The following UBE2L6 variants were observed in gnomAD, a reference collection of about 807,000 sequenced individuals.
The protein encoded by UBE2L6 is ubiquitin/ISG15-conjugating enzyme E2 L6.
UBE2L6 carries 11 observed loss-of-function variants against 13.6 expected under a neutral mutation model. That is an observed-to-expected ratio of 0.81 (90% confidence interval 0.51 to 1.34). UBE2L6 has a LOEUF of 1.34. Ranked by LOEUF, UBE2L6 falls within the 40% of genes most tolerant of loss-of-function variation. UBE2L6 has a pLI of 0.00. For missense variants in UBE2L6, 197 were observed against 199.5 expected (o/e 0.99, Z 0.07); for synonymous variants, 74 against 83.2 (o/e 0.89, Z 0.60).
At chr11:57,560,589 G>T in intron 1 of UBE2L6, 157 bp from the exon 2 acceptor site, 2 of 593,196 alleles carry the variant, frequency 3.4e-6, no homozygotes, top group Non-Finnish European at 6.0e-6. Flanking sequence ...CACTTAGTAT[G>T]TATCAGGCAT....
At chr11:57,567,901 C>A, upstream of UBE2L6, 1 of 372,466 alleles carries the variant, frequency 2.7e-6, no homozygotes, top group Non-Finnish European at 4.8e-6. Context: ...TTTGCTGATC[C>A]CTGCCTCCCG....
At chr11:57,563,171 A>C (rs1292699868) in intron 1 of UBE2L6, among the ~76,000 whole-genome samples, 1 of 152,100 alleles carries the variant, frequency 6.6e-6, no homozygotes, top group Non-Finnish European at 1.5e-5. Flanking sequence ...ATTAAAAAGA[A>C]TCAAGGAGAA....
At chr11:57,558,690 C>A (rs1230248934) in intron 2 of UBE2L6, among the ~76,000 whole-genome samples, 3 of 152,200 alleles carry the variant, frequency 2.0e-5, no homozygotes, top group Non-Finnish European at 4.4e-5. Context: ...CCTTCCATGA[C>A]CAAGATGTGA....
At chr11:57,564,043 A>G (rs1167957144) in intron 1 of UBE2L6, among the ~76,000 whole-genome samples, 7 of 152,244 alleles carry the variant, frequency 4.6e-5, no homozygotes, top group African/African-American at 1.4e-4. Context: ...ATTCAAACGG[A>G]TAGTAGCAGA....
intron 2 of UBE2L6, among the ~76,000 whole-genome samples, chr11:57,557,133 G>C (rs893528584): frequency 6.6e-6 from 1 of 152,000 alleles, no homozygotes; most frequent in East Asian, 1.9e-4. Context: ...GGGCCTACCA[G>C]GAGGCGTATG....
Position 57,551,968 on chromosome 11 carries a change from C to T in UBE2L6, c.*390G>A, listed in dbSNP as rs567338210. The T allele has an allele frequency of 5.0e-6, 1 of 198,910 alleles. No individual in the cohort carries two copies. Among genetic ancestry groups the T allele is most frequent in the South Asian group, 1.0e-4 (1 of 9,812 alleles). 12.3% of individuals were successfully genotyped at this position (198,910 alleles called of 1,614,324 possible). ...CTCCCACCCATATGCTCCACTGTCCCCAGGCCCTCAGTGCCTGAGCCCTAG... is the reference window on the plus strand; with the variant it reads ...CTCCCACCCATATGCTCCACTGTCCTCAGGCCCTCAGTGCCTGAGCCCTAG... On this transcript the variant is annotated 3_prime_UTR_variant, in exon 4 of 4. Transcript: ENST00000287156.
At chr11:57,555,697 C>A (rs900558510) in intron 2 of UBE2L6, among the ~76,000 whole-genome samples, 2 of 152,122 alleles carry the variant, frequency 1.3e-5, no homozygotes, top group South Asian at 4.2e-4. Flanking sequence ...CCACCTCAGC[C>A]TCCTGAGTAG....
intron 1 of UBE2L6, among the ~76,000 whole-genome samples, chr11:57,564,131 A>C (rs535437634): frequency 4.5e-4 from 69 of 152,350 alleles, no homozygotes; most frequent in Non-Finnish European, 7.9e-4. Context: ...CTTAACCCAA[A>C]GAAGACTACC....
intron 2 of UBE2L6, 121 bp from the exon 3 acceptor site, chr11:57,554,744 A>G (rs1427039283): frequency 2.9e-6 from 3 of 1,018,554 alleles, no homozygotes; most frequent in Non-Finnish European, 4.4e-6. Flanking sequence ...GGACACACAC[A>G]GCACCTGCAT....
intron 2 of UBE2L6, 48 bp downstream of exon 2, chr11:57,560,289 G>T: frequency 6.7e-7 from 1 of 1,493,880 alleles, no homozygotes; most frequent in Non-Finnish European, 9.3e-7. Flanking sequence ...CCATGTCCCT[G>T]GCCTAATTTG....
Position 57,560,606 on chromosome 11 carries a change from G to A in UBE2L6, c.28-174C>T, listed in dbSNP as rs1472595923. The A allele has an allele frequency of 9.0e-6, 5 of 552,514 alleles. No homozygotes were observed. The East Asian group carries it at 1.5e-4, about 17-fold the overall frequency. 34.2% of individuals were successfully genotyped at this position (552,514 alleles called of 1,614,324 possible). ...CTTAGTATGTATCAGGCATGGTGCT[G>A]GTGCTTTTTCTTTTTTCTTTTTTTT... On this transcript the variant is annotated intron_variant, in intron 1 of 3. Coordinates refer to ENST00000287156, the MANE Select transcript of UBE2L6 (RefSeq NM_004223.5).
Position 57,560,351 on chromosome 11 carries a change from C to G in UBE2L6, c.109G>C (p.Ala37Pro). 1.2e-6 allele frequency: 2 copies of G among 1,613,846 alleles called. No individual in the cohort carries two copies. Among genetic ancestry groups the G allele is most frequent in the African/African-American group, 1.3e-5 (1 of 75,004 alleles). Reference sequence around the variant, plus strand: ...TGGATACTCACGGGTAGGAGGAGAGCGTGCCACACCAGGACATTGGCATCA... The same window carrying G: ...TGGATACTCACGGGTAGGAGGAGAGGGTGCCACACCAGGACATTGGCATCA... ...SDDANVLVWH[A>P]LLLPDQPPYH... is the part of the protein sequence containing the mutation. The change falls in exon 2 of 4, where the codon GCT becomes CCT. Residue 37 changes from alanine (A) to proline (P), a missense_variant. Coordinates refer to ENST00000287156, the MANE Select transcript of UBE2L6 (RefSeq NM_004223.5).
intron 2 of UBE2L6, among the ~76,000 whole-genome samples, chr11:57,557,904 C>G (rs540798543): frequency 6.3e-4 from 96 of 152,304 alleles, no homozygotes; most frequent in Non-Finnish European, 1.0e-3. Flanking sequence ...CTCCGGGGAC[C>G]TGTCCCAGCT....
chr11:57,567,665 C>G lies in UBE2L6; in HGVS notation c.-54G>C, dbSNP rs1008711368. The G allele has an allele frequency of 1.3e-6, 2 of 1,560,210 alleles. No homozygotes were observed. The highest frequency in any genetic ancestry group is 2.7e-5 in the African/African-American group (2 of 74,058). On this transcript the variant is annotated 5_prime_UTR_variant, in exon 1 of 4. Coordinates refer to ENST00000287156, the MANE Select transcript of UBE2L6 (RefSeq NM_004223.5). ...CCTCCAGCAGGACCGAGCTCCGACC[C>G]GCGACACAGCGCGCCCCGCCCCGCC...
chr11:57,565,350 T>C (rs1375859732), intron 1 of UBE2L6, among the ~76,000 whole-genome samples: 1 of 144,344 alleles, frequency 6.9e-6, no homozygotes, highest in African/African-American at 2.6e-5. Context: ...ACAGTTTGTA[T>C]TAGTTGTTTT....
chr11:57,552,476 G>T lies in UBE2L6; in HGVS notation c.344C>A (p.Pro115Gln). ...LEALNVLVNRPNIREPLRMDL... is the reference protein window; with the variant it reads ...LEALNVLVNRQNIREPLRMDL... Reference sequence around the variant, plus strand: ...CATCCGCAGGGGCTCCCTGATATTCGGTCTATTCACCAGCACATTGAGGGC... The same window carrying T: ...CATCCGCAGGGGCTCCCTGATATTCTGTCTATTCACCAGCACATTGAGGGC... The change falls in exon 4 of 4, where the codon CCG (proline) becomes CAG (glutamine). Residue 115 changes from proline (P) to glutamine (Q), a missense_variant. Coordinates refer to ENST00000287156, the MANE Select transcript of UBE2L6 (RefSeq NM_004223.5). The T allele has an allele frequency of 6.2e-7, 1 of 1,614,118 alleles. No homozygotes were observed. The highest frequency in any genetic ancestry group is 1.1e-5 in the South Asian group (1 of 91,086).
chr11:57,562,480 C>T (rs777040024), intron 1 of UBE2L6, among the ~76,000 whole-genome samples: 4 of 152,212 alleles, frequency 2.6e-5, no homozygotes, highest in African/African-American at 4.8e-5. Context: ...CTTGAGCGAA[C>T]GTAGGGCATA....
At chr11:57,564,872 C>G (rs573417917) in intron 1 of UBE2L6, among the ~76,000 whole-genome samples, 1 of 151,922 alleles carries the variant, frequency 6.6e-6, no homozygotes, top group East Asian at 1.9e-4. Flanking sequence ...CTACTCATAT[C>G]TTAAGTAGAA....
At chr11:57,560,458 A>C in intron 1 of UBE2L6, 26 bp from the exon 2 acceptor site, 1 of 1,551,190 alleles carries the variant, frequency 6.4e-7, no homozygotes, top group East Asian at 2.2e-5. Flanking sequence ...GTGAGTGGGC[A>C]GTTGGCCTAG....
Sources: gnomAD v4.1 joint callset for allele counts (sites outside exome capture counted in the v4.1 genomes callset) on GRCh38, gnomAD v4.1.1 for gene constraint, MANE v1.5 for transcripts, NCBI Gene and HGNC (gene_info 2026-07-23, HGNC 2026-07-21) for gene names.